GPHN: variants seen among roughly 807,000 people sequenced by gnomAD.
The protein encoded by GPHN is gephyrin.
A neutral mutation model predicts 95.5 loss-of-function variants in GPHN; 17 were observed. That is an observed-to-expected ratio of 0.18 (90% CI 0.12 to 0.27). The LOEUF (loss-of-function observed/expected upper bound fraction) is 0.27, where lower values mean the gene tolerates loss of function less well. GPHN is among the 10% of genes least tolerant of loss of function. The pLI is 1.00. For synonymous variants in GPHN, 320 were observed against 322.5 expected, an observed-to-expected ratio of 0.99 and a Z score of 0.08; for missense variants, 660 against 978.1, an observed-to-expected ratio of 0.67 and a Z score of 4.34.
chr14:67,492,383 C>T, the GPHN span, among the ~76,000 whole-genome samples: 28,574 of 152,180 alleles, frequency 0.19, 2,833 homozygotes, highest in Non-Finnish European at 0.21. Context: ...CATCAGGCAG[C>T]GGCTGAGAGG....
At chr14:67,422,537 A>G in the GPHN span, among the ~76,000 whole-genome samples, 1 of 152,248 alleles carries the variant, frequency 6.6e-6, no homozygotes, top group Non-Finnish European at 1.5e-5. Flanking sequence ...ATAAAGGTAG[A>G]GGAGGCCTGT....
intron 1 of GPHN, among the ~76,000 whole-genome samples, chr14:66,600,516 G>T (rs1225919533): frequency 2.0e-5 from 3 of 151,974 alleles, no homozygotes; most frequent in African/African-American, 7.2e-5. Flanking sequence ...CTATCAATAC[G>T]TAACTTTTAA....
At chr14:66,662,815 A>T (rs1439190184) in intron 1 of GPHN, among the ~76,000 whole-genome samples, 2 of 152,228 alleles carry the variant, frequency 1.3e-5, no homozygotes, top group African/African-American at 4.8e-5. Flanking sequence ...ACAACAGAAG[A>T]AGTTCATAAT....
intron 17 of GPHN, among the ~76,000 whole-genome samples, chr14:67,126,294 G>T (rs2079310622): frequency 6.6e-6 from 1 of 152,054 alleles, no homozygotes; most frequent in Non-Finnish European, 1.5e-5. Flanking sequence ...AGATAAAAAT[G>T]GAATCTAAAT....
intron 1 of GPHN, among the ~76,000 whole-genome samples, chr14:66,553,923 A>G (rs944283957): frequency 3.3e-5 from 5 of 152,044 alleles, no homozygotes; most frequent in African/African-American, 9.7e-5. Flanking sequence ...GTTCCTCTTT[A>G]TGGTTTCCAT....
the GPHN span, among the ~76,000 whole-genome samples, chr14:67,418,604 A>C: frequency 1.3e-5 from 2 of 152,182 alleles, no homozygotes; most frequent in Non-Finnish European, 2.9e-5. Flanking sequence ...TCCAGGAATG[A>C]AGGTGACTTG....
intron 2 of GPHN, 139 bp from the exon 3 acceptor site, chr14:66,776,325 A>G: frequency 1.4e-6 from 1 of 707,478 alleles, no homozygotes; most frequent in Non-Finnish European, 2.6e-6. Flanking sequence ...TATATGCACA[A>G]AATGGTTGTT....
intron 8 of GPHN, among the ~76,000 whole-genome samples, chr14:66,943,983 G>A (rs564152994): frequency 6.6e-6 from 1 of 152,282 alleles, no homozygotes; most frequent in South Asian, 2.1e-4. Flanking sequence ...TCCCCTTCAT[G>A]TGTGCATTGA....
intron 3 of GPHN, among the ~76,000 whole-genome samples, chr14:66,797,080 GAAGA>G (rs1187983078): frequency 1.0e-5 from 1 of 95,972 alleles, no homozygotes; most frequent in African/African-American, 4.1e-5. Flanking sequence ...ACCATTCATT[GAAGA>G]AAGAGTTTTT....
At chr14:67,060,618 A>G (rs1400087006) in intron 11 of GPHN, among the ~76,000 whole-genome samples, 26 of 152,252 alleles carry the variant, frequency 1.7e-4, no homozygotes, top group Admixed American at 1.7e-3. Flanking sequence ...AATAAAAATA[A>G]AACTCCTGCC....
intron 10 of GPHN, among the ~76,000 whole-genome samples, chr14:67,025,320 G>C (rs2073870200): frequency 6.6e-6 from 1 of 152,086 alleles, no homozygotes; most frequent in South Asian, 2.1e-4. Context: ...GAAAAACATA[G>C]ACATAGGCCT....
At chr14:67,473,012 C>T in the GPHN span, 1 of 210,496 alleles carries the variant, frequency 4.8e-6, no homozygotes, top group Non-Finnish European at 9.6e-6. This position sits in a 1 kb window ranked among gnomAD's most constrained non-coding sequence, Gnocchi z 6.5. Flanking sequence ...TGGAACCAGC[C>T]AAAGCTCAAC....
chr14:66,686,542 C>G (rs1053701339), intron 2 of GPHN, among the ~76,000 whole-genome samples: 5 of 152,082 alleles, frequency 3.3e-5, no homozygotes, highest in Non-Finnish European at 7.4e-5. Flanking sequence ...CATGATTTGG[C>G]TCTCTATTTG....
At chr14:67,647,732 A>C in the GPHN span, 1 of 228,676 alleles carries the variant, frequency 4.4e-6, no homozygotes, top group Non-Finnish European at 8.5e-6. Flanking sequence ...AGAAGTGAAG[A>C]AATCTCTCTA....
At chr14:67,062,613 A>T (rs113212258) in intron 11 of GPHN, among the ~76,000 whole-genome samples, 4 of 152,336 alleles carry the variant, frequency 2.6e-5, no homozygotes, top group African/African-American at 7.2e-5. Context: ...GGAATTTCAG[A>T]GTATAGTACA....
chr14:66,710,289 T>C (rs2069493596), intron 2 of GPHN, among the ~76,000 whole-genome samples: 1 of 152,128 alleles, frequency 6.6e-6, no homozygotes, highest in African/African-American at 2.4e-5. Flanking sequence ...ATTTGGTAAT[T>C]TACTCCTCTG....
the GPHN span, among the ~76,000 whole-genome samples, chr14:67,638,720 A>C: frequency 6.6e-6 from 1 of 152,186 alleles, no homozygotes; most frequent in African/African-American, 2.4e-5. Flanking sequence ...CAAGGTATAA[A>C]TCCCTTTAGA....
At chr14:67,577,497 C>A in the GPHN span, 1 of 867,842 alleles carries the variant, frequency 1.2e-6, no homozygotes. Flanking sequence ...GGGGACAACC[C>A]ACAGAGGGAT....
chr14:67,445,577 CTTTTTTTTT>C, the GPHN span, among the ~76,000 whole-genome samples: 2,928 of 59,970 alleles, frequency 0.049, 186 homozygotes, highest in Admixed American at 0.079. Flanking sequence ...AGAGGCAATT[CTTTTTTTTT>C]TTTTTTTTTT....
Sources: allele counts gnomAD v4.1 joint callset (sites outside exome capture counted in the v4.1 genomes callset), GRCh38; gene constraint gnomAD v4.1.1; non-coding constraint Gnocchi (gnomAD v3.1); transcripts MANE v1.5; gene names NCBI Gene and HGNC (gene_info 2026-07-23, HGNC 2026-07-21).